The following P3H1 variants were observed in gnomAD, a reference collection of about 807,000 sequenced individuals.
P3H1 encodes the protein prolyl 3-hydroxylase 1.
In P3H1, 69 loss-of-function variants were observed where a neutral mutation model predicts 84.0. The ratio of observed to expected loss-of-function variants is 0.82; its 90% CI spans 0.68 to 1.00. P3H1 has a LOEUF of 1.00. P3H1 is among the 50% of genes least tolerant of loss of function. P3H1 has a pLI of 0.00. For synonymous variants in P3H1, 366 were observed against 388.8 expected (o/e 0.94, Z 0.69); for missense variants, 878 against 962.8 (o/e 0.91, Z 1.17).
chr1:42,757,653 A>G, intron 5 of P3H1, 130 bp downstream of exon 5: 1 of 1,345,026 alleles, frequency 7.4e-7, no homozygotes, highest in Non-Finnish European at 1.1e-6. Context: ...CTGAACTCAC[A>G]TCTGGCCCCA....
In P3H1 at chr1:42,766,822, G is replaced by T; in HGVS notation, c.150C>A (p.Asp50Glu). The T allele has an allele frequency of 6.2e-7, 1 of 1,604,022 alleles. No homozygotes were observed. The change falls in exon 1 of 15, where the codon GAC (aspartate) becomes GAA (glutamate). Residue 50 changes from aspartate to glutamate, a missense_variant. Physicochemically the swap from Asp to Glu is conservative, Grantham distance 45 (BLOSUM62 2). Transcript: ENST00000296388. ...CCATGCTCAGGACCACCCCGGGCCAGTCCCCGCGCGCGTAGGCTGCGGTCC... is the reference window on the plus strand; with the variant it reads ...CCATGCTCAGGACCACCCCGGGCCATTCCCCGCGCGCGTAGGCTGCGGTCC... ...AEGTAAYARG[D>E]WPGVVLSMER...
rs1043211740 is a variant in P3H1, at chr1:42,766,798, C to T, written c.174G>A (p.Met58Ile). 1.9e-6 allele frequency: 3 copies of T among 1,602,798 alleles called. No homozygotes were observed. In the African/African-American group the frequency reaches 4.0e-5, roughly 21 times the overall value. The part of the protein sequence containing the change: ...RGDWPGVVLS[M>I]ERALRSRAAL... ...CTGCCCGGGAGCGCAGCGCCCGTTCCATGCTCAGGACCACCCCGGGCCAGT... is the reference window on the plus strand; with the variant it reads ...CTGCCCGGGAGCGCAGCGCCCGTTCTATGCTCAGGACCACCCCGGGCCAGT... The change falls in exon 1 of 15, where the codon ATG becomes ATA. Residue 58 changes from methionine (M) to isoleucine (I), a missense_variant. Transcript: ENST00000296388.
At chr1:42,746,907 A>C in intron 14 of P3H1, 55 bp from the exon 15 acceptor site, 1 of 1,614,110 alleles carries the variant, frequency 6.2e-7, no homozygotes, top group Non-Finnish European at 8.5e-7. Flanking sequence ...GACACTCGCT[A>C]TCTCTCAGCT....
rs376514633 is a variant in P3H1, at chr1:42,747,273, C to T, written c.2054G>A (p.Arg685Gln). The T allele has an allele frequency of 4.7e-5, 76 of 1,613,970 alleles. No individual in the cohort carries two copies. The highest frequency in any genetic ancestry group is 1.6e-4 in the Middle Eastern group (1 of 6,084). The change falls in exon 14 of 15, where the codon CGG becomes CAG. Residue 685 changes from arginine (R) to glutamine (Q), a missense_variant and splice_region_variant. Arg to Gln is a conservative substitution (Grantham distance 43, BLOSUM62 1). Coordinates refer to ENST00000296388, the MANE Select transcript of P3H1 (RefSeq NM_022356.4). Reference protein sequence around the residue: ...WFTLDPRHSERDRVQADDLVK... With the variant: ...WFTLDPRHSEQDRVQADDLVK... Reference sequence around the variant, plus strand: ...CTCACCCGCTCGAGCTGCTCTCACCCGCTCGCTGTGTCGAGGGTCCAGGGT... The same window carrying T: ...CTCACCCGCTCGAGCTGCTCTCACCTGCTCGCTGTGTCGAGGGTCCAGGGT...
chr1:42,746,926 C>T, intron 14 of P3H1, 74 bp from the exon 15 acceptor site: 1 of 1,614,156 alleles, frequency 6.2e-7, no homozygotes, highest in Non-Finnish European at 8.5e-7. Context: ...CTGCTACTTC[C>T]CAGGGGACAA....
intron 5 of P3H1, among the ~76,000 whole-genome samples, chr1:42,757,532 C>T (rs1051211913): frequency 1.3e-5 from 2 of 152,156 alleles, no homozygotes; most frequent in East Asian, 1.9e-4. Flanking sequence ...CGCAGTTCTG[C>T]GGGACTCAGA....
At chr1:42,748,476 G>A (rs1409492440) in intron 11 of P3H1, 159 bp from the exon 12 acceptor site, 1 of 703,526 alleles carries the variant, frequency 1.4e-6, no homozygotes, top group East Asian at 2.6e-5. Flanking sequence ...TAGGGGTCAG[G>A]ACAAGTCTGC....
chr1:42,766,923 C>T lies in P3H1; in HGVS notation c.49G>A (p.Ala17Thr). 6.2e-7 allele frequency: 1 copy of T among 1,609,300 alleles called. No individual in the cohort carries two copies. The highest frequency in any genetic ancestry group is 8.5e-7 in the Non-Finnish European group (1 of 1,179,814). The change falls in exon 1 of 15, where the codon GCC becomes ACC. Residue 17 changes from alanine to threonine, a missense_variant. By Grantham distance (58) the Ala-to-Thr change is moderately conservative (BLOSUM62 0). Coordinates refer to ENST00000296388, the MANE Select transcript of P3H1 (RefSeq NM_022356.4). The part of the protein sequence containing the change: ...KLLTTLLAVV[A>T]AASQAEVESE... The stretch of plus-strand genomic sequence containing the variant: ...TCGACCTCGGCTTGGGAGGCAGCGG[C>T]CACGACAGCCAGCAGTGTGGTCAGC...
intron 2 of P3H1, 78 bp from the exon 3 acceptor site, chr1:42,759,468 G>GAAATTAGGACCCCTGTGAA: frequency 7.7e-7 from 1 of 1,299,892 alleles, no homozygotes; most frequent in Non-Finnish European, 1.1e-6. Context: ...ACCTTCACAG[G>GAAATTAGGACCCCTGTGAA]GGTCCTAATT....
intron 4 of P3H1, 61 bp downstream of exon 4, chr1:42,758,789 GCC>G (rs1173155976): frequency 6.3e-7 from 1 of 1,591,172 alleles, no homozygotes; most frequent in African/African-American, 1.3e-5. Context: ...TGTAATCCCT[GCC>G]CACCTTGCCT....
chr1:42,746,891 G>A (rs778186942), intron 14 of P3H1, 39 bp from the exon 15 acceptor site: 19 of 1,614,012 alleles, frequency 1.2e-5, no homozygotes, highest in Middle Eastern at 1.6e-4. Context: ...AGAGGCCTCC[G>A]CTCCAGACAC....
chr1:42,757,429 C>A (rs1405645401), intron 5 of P3H1, among the ~76,000 whole-genome samples: 1 of 152,110 alleles, frequency 6.6e-6, no homozygotes, highest in Non-Finnish European at 1.5e-5. Context: ...AGAAAAAAAA[C>A]AACCAGTATT....
rs896696790 is a variant in P3H1, at chr1:42,754,451, A to G, written c.1345+418T>C. Among the ~76,000 whole-genome samples, 9 of 152,212 alleles carry G rather than the reference A, an allele frequency of 5.9e-5. No individual in the cohort carries two copies. The highest frequency in any genetic ancestry group is 1.9e-4 in the African/African-American group (8 of 41,456). On this transcript the variant is annotated intron_variant, in intron 8 of 14. Transcript: ENST00000296388. The surrounding 1 kb of genome is among the most constrained non-coding windows in gnomAD (Gnocchi z 4.0). Reference sequence around the variant, plus strand: ...GAAAACAGTTTGGGAGTGGGGAGACAGGATGAGTTAATACCTATGGAAGTG... The same window carrying G: ...GAAAACAGTTTGGGAGTGGGGAGACGGGATGAGTTAATACCTATGGAAGTG...
At chr1:42,758,778 C>T in intron 4 of P3H1, 74 bp downstream of exon 4, 2 of 1,549,502 alleles carry the variant, frequency 1.3e-6, no homozygotes, top group Non-Finnish European at 8.9e-7. Flanking sequence ...AAGTAAGTGG[C>T]TGTAATCCCT....
Position 42,750,285 on chromosome 1 carries a change from C to T in P3H1, c.1621G>A (p.Val541Met), listed in dbSNP as rs369552220. The T allele has an allele frequency of 6.8e-6, 11 of 1,613,968 alleles. No homozygotes were observed. The highest frequency in any genetic ancestry group is 2.2e-5 in the East Asian group (1 of 44,886). ...ATGATGCGCCGCACCTTCTCCGTCA[C>T]GTTGTAGTACAGGTGGGCACTCTGC... is the stretch of plus-strand genomic sequence containing the variant. ...PLQSAHLYYN[V>M]TEKVRRIMES... is the part of the protein sequence containing the mutation. The change falls in exon 11 of 15, where the codon GTG becomes ATG. Residue 541 changes from valine to methionine, a missense_variant. By Grantham distance (21) the Val-to-Met change is conservative. Transcript: ENST00000296388.
At chr1:42,760,830 T>C (rs2124149644) in intron 2 of P3H1, 1 of 152,286 alleles carries the variant, frequency 6.6e-6, no homozygotes, top group East Asian at 1.9e-4. Context: ...AATTTTTGTA[T>C]TTTTAGTAGA....
At chr1:42,763,672 CAAAAAAAAAA>C (rs766034061) in intron 1 of P3H1, among the ~76,000 whole-genome samples, 6 of 41,502 alleles carry the variant, frequency 1.4e-4, no homozygotes, top group Non-Finnish European at 2.0e-4. Flanking sequence ...ACTCTTGTCT[CAAAAAAAAAA>C]AAAAAAAAAA....
rs1007071324 is a variant in P3H1 at position 42,757,567 on chromosome 1, C to T, written c.1080+216G>A. Among the ~76,000 whole-genome samples the T allele has an allele frequency of 2.1e-4, 32 of 152,304 alleles. 1 individual carries two copies. The highest frequency in any genetic ancestry group is 1.4e-3 in the Admixed American group (21 of 15,296). ...AGAATAGACTTCTGGGCCCAGATAACGCTAATTGAGGCTCCTGTGTACTCC... is the reference window on the plus strand; with the variant it reads ...AGAATAGACTTCTGGGCCCAGATAATGCTAATTGAGGCTCCTGTGTACTCC... On this transcript the variant is annotated intron_variant, in intron 5 of 14. Transcript: ENST00000296388.
chr1:42,766,493 A>T lies in P3H1; in HGVS notation c.465+14T>A. 6.3e-7 allele frequency: 1 copy of T among 1,592,576 alleles called. No homozygotes were observed. Among genetic ancestry groups the T allele is most frequent in the Non-Finnish European group, 8.6e-7 (1 of 1,169,482 alleles). ...AGAAGGACCCCGGCCGCCTGGTTCC[A>T]GGCAGGTCTGCACCTTGAAGTAGGC... On this transcript the variant is annotated intron_variant, in intron 1 of 14. Transcript: ENST00000296388.
Sources: allele counts gnomAD v4.1 joint callset (sites outside exome capture counted in the v4.1 genomes callset), GRCh38; gene constraint gnomAD v4.1.1; non-coding constraint Gnocchi (gnomAD v3.1); transcripts MANE v1.5; gene names NCBI Gene and HGNC (gene_info 2026-07-23, HGNC 2026-07-21).